The following MDGA2 variants were observed in gnomAD, a reference collection of about 807,000 sequenced individuals.
MDGA2 encodes the protein MAM domain containing glycosylphosphatidylinositol anchor 2.
Under a neutral mutation model 117.8 loss-of-function variants are expected in MDGA2, and 40 were observed. That is an observed-to-expected ratio of 0.34 (90% CI 0.26 to 0.44). The LOEUF is 0.44. MDGA2 is among the 20% of genes least tolerant of loss of function. The probability of loss-of-function intolerance (pLI) is 1.00; values close to 1 mark genes in which losing one functional copy is unlikely to be tolerated. For missense variants in MDGA2, 1,123 were observed against 1,250.6 expected, an observed-to-expected ratio of 0.90 and a Z score of 1.54; for synonymous variants, 452 against 439.0, an observed-to-expected ratio of 1.03 and a Z score of -0.37.
At chr14:47,652,536 T>C (rs1283425466) in intron 1 of MDGA2, among the ~76,000 whole-genome samples, 3 of 152,166 alleles carry the variant, frequency 2.0e-5, no homozygotes, top group African/African-American at 7.2e-5. Flanking sequence ...GTTATAATTG[T>C]TATATGTGTT....
chr14:47,281,348 T>A (rs1201517839), intron 2 of MDGA2, among the ~76,000 whole-genome samples: 1 of 152,162 alleles, frequency 6.6e-6, no homozygotes, highest in Non-Finnish European at 1.5e-5. Flanking sequence ...TCATACATTA[T>A]GTATTTTAGT....
chr14:46,900,656 T>C (rs2138445005), intron 10 of MDGA2, among the ~76,000 whole-genome samples: 1 of 152,226 alleles, frequency 6.6e-6, no homozygotes, highest in African/African-American at 2.4e-5. Context: ...TGTGAAATAA[T>C]ATAATTATAG....
chr14:47,075,719 A>G (rs1890465526), intron 6 of MDGA2, among the ~76,000 whole-genome samples: 1 of 152,168 alleles, frequency 6.6e-6, no homozygotes, highest in Admixed American at 6.5e-5. Flanking sequence ...GAAAAACTCA[A>G]CTAATAGCAA....
intron 9 of MDGA2, among the ~76,000 whole-genome samples, chr14:46,940,251 A>G (rs528610202): frequency 3.4e-4 from 52 of 152,324 alleles, no homozygotes; most frequent in South Asian, 4.1e-4. Context: ...ACTTTGTTAA[A>G]TATTTAACTC....
chr14:47,380,208 C>T (rs1368155817), intron 1 of MDGA2, among the ~76,000 whole-genome samples: 2 of 152,164 alleles, frequency 1.3e-5, no homozygotes, highest in African/African-American at 4.8e-5. Context: ...ACCTCTCGGA[C>T]ACATTTAAAG....
At chr14:47,358,885 A>G (rs568978161) in intron 1 of MDGA2, among the ~76,000 whole-genome samples, 14 of 152,304 alleles carry the variant, frequency 9.2e-5, no homozygotes, top group Non-Finnish European at 2.1e-4. Flanking sequence ...TGTCCATACT[A>G]TCTAAAGTGG....
At chr14:47,561,354 C>T (rs1895813058) in intron 1 of MDGA2, among the ~76,000 whole-genome samples, 1 of 151,760 alleles carries the variant, frequency 6.6e-6, no homozygotes, top group African/African-American at 2.4e-5. Context: ...TGAATCTTCC[C>T]ATCCATGAGC....
At chr14:47,314,071 T>G (rs1889725885) in intron 1 of MDGA2, among the ~76,000 whole-genome samples, 1 of 152,124 alleles carries the variant, frequency 6.6e-6, no homozygotes, top group African/African-American at 2.4e-5. Flanking sequence ...GAGTGTGAAG[T>G]GTATAGAGAT....
chr14:47,058,917 T>G (rs866419320), intron 7 of MDGA2: 3 of 971,756 alleles, frequency 3.1e-6, no homozygotes, highest in Middle Eastern at 5.3e-4. Context: ...GATGTTGCCA[T>G]AGTGAGTTTA....
At chr14:47,337,379 C>T (rs1890491654) in intron 1 of MDGA2, among the ~76,000 whole-genome samples, 1 of 152,002 alleles carries the variant, frequency 6.6e-6, no homozygotes, top group Non-Finnish European at 1.5e-5. Context: ...ACCAACTTGC[C>T]TTACTGGCTA....
intron 2 of MDGA2, among the ~76,000 whole-genome samples, chr14:47,224,863 T>C (rs1160706046): frequency 1.3e-5 from 2 of 152,190 alleles, no homozygotes; most frequent in East Asian, 1.9e-4. Flanking sequence ...CCTGCACTGA[T>C]ATCAGGGAAA....
intron 2 of MDGA2, among the ~76,000 whole-genome samples, chr14:47,223,158 G>T (rs936975034): frequency 1.3e-5 from 2 of 152,122 alleles, no homozygotes; most frequent in Non-Finnish European, 2.9e-5. Flanking sequence ...GGAAAGATCG[G>T]ATCCCATGTT....
At chr14:47,106,630 G>T (rs1880700938) in intron 5 of MDGA2, among the ~76,000 whole-genome samples, 1 of 152,082 alleles carries the variant, frequency 6.6e-6, no homozygotes, top group African/African-American at 2.4e-5. Flanking sequence ...CTCCTTCCCA[G>T]ATCTTCTCGG....
intron 9 of MDGA2, among the ~76,000 whole-genome samples, chr14:46,931,975 A>C (rs1324237521): frequency 6.6e-6 from 1 of 152,116 alleles, no homozygotes; most frequent in Non-Finnish European, 1.5e-5. Flanking sequence ...GAATAACAAT[A>C]AGTAATATAG....
At chr14:47,592,142 C>G (rs1329767837) in intron 1 of MDGA2, among the ~76,000 whole-genome samples, 1 of 151,910 alleles carries the variant, frequency 6.6e-6, no homozygotes, top group East Asian at 1.9e-4. Flanking sequence ...CCATTCATTA[C>G]TGCCGCAAAG....
At chr14:47,367,351 A>C (rs866276880) in intron 1 of MDGA2, among the ~76,000 whole-genome samples, 1 of 152,188 alleles carries the variant, frequency 6.6e-6, no homozygotes, top group African/African-American at 2.4e-5. Context: ...TGTACCAAAA[A>C]AGAGTATGAA....
intron 3 of MDGA2, among the ~76,000 whole-genome samples, chr14:47,172,429 C>G (rs533226487): frequency 1.3e-5 from 2 of 151,648 alleles, no homozygotes; most frequent in Non-Finnish European, 2.9e-5. Flanking sequence ...CTCACACGGC[C>G]GGGTACTCCT....
Position 47,035,200 on chromosome 14 carries a change from T to G in MDGA2, c.1630A>C (p.Ile544Leu). The change falls in exon 8 of 17, where the codon ATC becomes CTC. Residue 544 changes from isoleucine (I) to leucine (L), a missense_variant. Around this residue, in one of 2 missense-constraint regions of MDGA2, gnomAD observed 890 missense variants for 1,050.3 expected, o/e 0.85. Transcript: ENST00000399232. Reference sequence around the variant, plus strand: ...TCTTTATCCGCTCTAGACCAAAGGATGATTGGTTTAGGTTTGCCAGTTACT... The same window carrying G: ...TCTTTATCCGCTCTAGACCAAAGGAGGATTGGTTTAGGTTTGCCAGTTACT... ...CQVTGKPKPI[I>L]LWSRADKEVA... The G allele has an allele frequency of 6.2e-7, 1 of 1,614,148 alleles. No individual in the cohort carries two copies. The highest frequency in any genetic ancestry group is 1.1e-5 in the South Asian group (1 of 91,092).
chr14:47,651,213 G>GGTGTGT (rs56853118), intron 1 of MDGA2, among the ~76,000 whole-genome samples: 2,818 of 146,466 alleles, frequency 0.019, 34 homozygotes, highest in East Asian at 0.063. Context: ...GTGTGCATGT[G>GGTGTGT]GTGTGTGTGT....
Sources: gnomAD v4.1 joint callset for allele counts (sites outside exome capture counted in the v4.1 genomes callset) on GRCh38, gnomAD v4.1.1 for gene constraint, gnomAD v4.1.1 regional missense constraint, MANE v1.5 for transcripts, NCBI Gene and HGNC (gene_info 2026-07-23, HGNC 2026-07-21) for gene names.